MAP7: variants seen among roughly 807,000 people sequenced by gnomAD.
The protein encoded by MAP7 is ensconsin.
A neutral mutation model predicts 94.8 loss-of-function variants in MAP7; 52 were observed. That is an observed-to-expected ratio of 0.55 (90% confidence interval 0.44 to 0.69). The LOEUF is 0.69. Ranked by LOEUF, MAP7 falls within the 30% of genes least tolerant of loss-of-function variation. The pLI, the probability that MAP7 is intolerant of heterozygous loss-of-function variation, is 0.00. For missense variants in MAP7, 940 were observed against 964.6 expected, an observed-to-expected ratio of 0.97 and a Z score of 0.34; for synonymous variants, 350 against 357.0, an observed-to-expected ratio of 0.98 and a Z score of 0.22.
At chr6:136,543,435 G>A (rs763169072) in intron 1 of MAP7, among the ~76,000 whole-genome samples, 10 of 152,170 alleles carry the variant, frequency 6.6e-5, no homozygotes, top group Non-Finnish European at 7.3e-5. Context: ...GATCACCTTT[G>A]GTCAGGAGTT....
At chr6:136,535,143 G>C (rs920621243) in intron 1 of MAP7, among the ~76,000 whole-genome samples, 10 of 152,276 alleles carry the variant, frequency 6.6e-5, no homozygotes, top group Admixed American at 4.6e-4. Flanking sequence ...GATCATGGCG[G>C]TGCAACCTCC....
chr6:136,478,615 G>T (rs1481222995), intron 1 of MAP7, among the ~76,000 whole-genome samples: 1 of 151,910 alleles, frequency 6.6e-6, no homozygotes, highest in African/African-American at 2.4e-5. Context: ...TGAAAAAGGA[G>T]GCATTACAAC....
Position 136,421,724 on chromosome 6 carries a change from T to C in MAP7, c.143A>G (p.Asn48Ser). The C allele has an allele frequency of 6.2e-7, 1 of 1,614,058 alleles. No homozygotes were observed. The highest frequency in any genetic ancestry group is 8.5e-7 in the Non-Finnish European group (1 of 1,179,962). The change falls in exon 2 of 18, where the codon AAC (asparagine) becomes AGC (serine). Residue 48 changes from asparagine (N) to serine (S), a missense_variant. Physicochemically the swap from Asn to Ser is conservative, Grantham distance 46. Transcript: ENST00000354570. ...RPASAISGQN[N>S]NHSGNKPDPP... The stretch of plus-strand genomic sequence containing the variant: ...ACCTGGTTTATTTCCTGAGTGGTTG[T>C]TATTTTGTCCTGAAATTGCAGAGGC...
chr6:136,492,137 GT>G (rs1460485594), intron 1 of MAP7, among the ~76,000 whole-genome samples: 1 of 152,206 alleles, frequency 6.6e-6, no homozygotes, highest in Non-Finnish European at 1.5e-5. Context: ...GGATGAAACT[GT>G]CATACCTCAG....
chr6:136,389,371 T>A lies in MAP7; in HGVS notation c.391A>T (p.Arg131Ter). 6.4e-7 allele frequency: 1 copy of A among 1,551,242 alleles called. No individual in the cohort carries two copies. Among genetic ancestry groups the A allele is most frequent in the Non-Finnish European group, 8.7e-7 (1 of 1,155,210 alleles). Residue 131 changes from arginine (R) to a stop codon, truncating the protein, a stop_gained, in exon 4 of 18, where the codon AGA becomes TGA. Transcript: ENST00000354570. LOFTEE classifies it high-confidence loss of function. ...CGGCTCACTTTGTCCTCCTCAAGTC[T>A]CTGCCTCCGCTTCTCCTCCACAGCA... The part of the protein sequence containing the change: ...RAAVEEKRRQ[R>*]LEEDKERHEA...
intron 1 of MAP7, among the ~76,000 whole-genome samples, chr6:136,467,386 G>C (rs1408491637): frequency 6.6e-6 from 1 of 152,164 alleles, no homozygotes; most frequent in East Asian, 1.9e-4. Flanking sequence ...TCACTGCTGA[G>C]AACAGACATG....
intron 1 of MAP7, among the ~76,000 whole-genome samples, chr6:136,495,744 A>G (rs190904725): frequency 7.2e-5 from 11 of 152,312 alleles, no homozygotes; most frequent in Admixed American, 6.5e-4. Context: ...GAAAAACGAT[A>G]TGCATTTGGA....
At chr6:136,387,524 C>A (rs1331702555) in intron 5 of MAP7, among the ~76,000 whole-genome samples, 1 of 152,056 alleles carries the variant, frequency 6.6e-6, no homozygotes, top group African/African-American at 2.4e-5. Flanking sequence ...GCGTTGATGA[C>A]TAAGGTGGTG....
chr6:136,392,388 C>CT lies in MAP7; in HGVS notation c.245-2872dup, dbSNP rs11347286. ...GCCACCGCACCCAGCCTGCATCTTG[C>CT]TTTTTTTTTTTTTTTTTTTTTTACT... On this transcript the variant is annotated intron_variant, in intron 3 of 17. Transcript: ENST00000354570. Among the ~76,000 whole-genome samples the CT allele has an allele frequency of 3.2e-3, 333 of 102,586 alleles. 3 individuals are homozygous for CT. The highest frequency in any genetic ancestry group is 3.6e-3 in the East Asian group (13 of 3,606). The allele number at this position is 102,586 out of a possible 152,430, so 67.3% of individuals were successfully genotyped here.
intron 1 of MAP7, among the ~76,000 whole-genome samples, chr6:136,518,424 T>A (rs188079508): frequency 3.6e-4 from 55 of 152,212 alleles, no homozygotes; most frequent in Non-Finnish European, 7.2e-4. Flanking sequence ...AAATGTCAAA[T>A]AATGCTCTGG....
At chr6:136,503,225 A>G (rs545541876) in intron 1 of MAP7, among the ~76,000 whole-genome samples, 7 of 152,298 alleles carry the variant, frequency 4.6e-5, no homozygotes, top group East Asian at 1.9e-4. Context: ...ATTCTGAAAG[A>G]AGGCGGCCAA....
At chr6:136,458,573 T>C (rs1383147695) in intron 1 of MAP7, among the ~76,000 whole-genome samples, 1 of 152,014 alleles carries the variant, frequency 6.6e-6, no homozygotes, top group Non-Finnish European at 1.5e-5. Context: ...TAAAGACATA[T>C]AGACAAATGG....
intron 1 of MAP7, chr6:136,526,299 A>T: frequency 2.0e-6 from 2 of 983,252 alleles, no homozygotes; most frequent in South Asian, 4.3e-5. Context: ...ACACACACAC[A>T]CTCCTTCCAG....
chr6:136,459,852 C>T (rs1489458382), intron 1 of MAP7, among the ~76,000 whole-genome samples: 1 of 152,068 alleles, frequency 6.6e-6, no homozygotes, highest in East Asian at 1.9e-4. Context: ...GGTTAATGAT[C>T]CTGTATCGTA....
At chr6:136,426,542 G>A (rs941645573) in intron 1 of MAP7, among the ~76,000 whole-genome samples, 2 of 152,352 alleles carry the variant, frequency 1.3e-5, no homozygotes, top group African/African-American at 4.8e-5. Flanking sequence ...GGAATTTGGA[G>A]TGGAAGAAGG....
intron 2 of MAP7, 142 bp downstream of exon 2, chr6:136,421,559 G>T: frequency 1.5e-6 from 1 of 660,038 alleles, no homozygotes; most frequent in Non-Finnish European, 2.6e-6. Context: ...GTGTTTGGTG[G>T]CAGGACTGAA....
chr6:136,418,704 T>G (rs1790305380), intron 2 of MAP7, among the ~76,000 whole-genome samples: 1 of 152,156 alleles, frequency 6.6e-6, no homozygotes, highest in African/African-American at 2.4e-5. Context: ...TGCCCATACC[T>G]GGTTAGGACA....
At chr6:136,456,999 G>A (rs1803469307) in intron 1 of MAP7, among the ~76,000 whole-genome samples, 1 of 142,800 alleles carries the variant, frequency 7.0e-6, no homozygotes. Context: ...TAAAAACACT[G>A]GGGAAAAAAA....
At chr6:136,487,890 C>T (rs1322868859) in intron 1 of MAP7, among the ~76,000 whole-genome samples, 1 of 152,138 alleles carries the variant, frequency 6.6e-6, no homozygotes, top group Non-Finnish European at 1.5e-5. Context: ...CATGGACACG[C>T]ACTTCATACG....
Sources: gnomAD v4.1 joint callset for allele counts (sites outside exome capture counted in the v4.1 genomes callset) on GRCh38, gnomAD v4.1.1 for gene constraint, MANE v1.5 for transcripts, NCBI Gene and HGNC (gene_info 2026-07-23, HGNC 2026-07-21) for gene names.